Variants in ZNF469 observed in about 807,000 individuals in gnomAD.
ZNF469 encodes zinc finger protein 469.
ZNF469 carries 1 observed loss-of-function variant against 1.0 expected under a neutral mutation model. That is an observed-to-expected ratio of 1.00 (90% CI 0.35 to 4.73). ZNF469 has a LOEUF of 4.73. Ranked by LOEUF, ZNF469 falls within the 30% of genes most tolerant of loss-of-function variation. ZNF469 has a pLI of 0.16. For synonymous variants in ZNF469, 2,703 were observed against 2,363.4 expected, an observed-to-expected ratio of 1.14 and a Z score of -4.17; for missense variants, 6,100 against 5,356.3, an observed-to-expected ratio of 1.14 and a Z score of -4.33.
At chr16:88,425,009 G>C (rs1420292845) in intron 2 of ZNF469, among the ~76,000 whole-genome samples, 138 bp downstream of exon 2, 2 of 151,044 alleles carry the variant, frequency 1.3e-5, no homozygotes, top group East Asian at 4.0e-4. Context: ...ACTGCCTCCC[G>C]AGAGCCGACT....
the ZNF469 span, among the ~76,000 whole-genome samples, chr16:88,274,898 C>A: frequency 3.9e-5 from 6 of 152,334 alleles, no homozygotes; most frequent in African/African-American, 1.2e-4. Flanking sequence ...GCAGCACTGG[C>A]CCCCAGGCAA....
Position 88,435,991 on chromosome 16 carries a change from G to A in ZNF469, c.8521G>A (p.Ala2841Thr). 6.5e-7 allele frequency: 1 copy of A among 1,550,090 alleles called. No individual in the cohort carries two copies. Among genetic ancestry groups the A allele is most frequent in the South Asian group, 1.2e-5 (1 of 84,070 alleles). ...GGGGCCTGAAGGCCCCACTCCTGAT[G>A]CCTCTGGCTCCAGTGCCAAGGATCC... ...VQGPEGPTPDASGSSAKDPPS... is the reference protein window; with the variant it reads ...VQGPEGPTPDTSGSSAKDPPS... Residue 2841 changes from alanine (A) to threonine (T), a missense_variant, in exon 3 of 3, where the codon GCC becomes ACC. Transcript: ENST00000565624.
chr16:88,273,133 ATGAG>A, the ZNF469 span, among the ~76,000 whole-genome samples: 1 of 152,070 alleles, frequency 6.6e-6, no homozygotes, highest in African/African-American at 2.4e-5. Flanking sequence ...ACATGGCTGG[ATGAG>A]TGAGTGGGTG....
chr16:88,101,251 C>T, the ZNF469 span, among the ~76,000 whole-genome samples: 2 of 152,252 alleles, frequency 1.3e-5, no homozygotes, highest in Admixed American at 1.3e-4. Context: ...CCGGGAACAT[C>T]TTTCAGGCAA....
chr16:88,214,350 A>G, the ZNF469 span, among the ~76,000 whole-genome samples: 1 of 151,874 alleles, frequency 6.6e-6, no homozygotes, highest in Non-Finnish European at 1.5e-5. Flanking sequence ...TTCTGCTTAG[A>G]TTTTCCAGAA....
chr16:88,357,296 T>C, the ZNF469 span, among the ~76,000 whole-genome samples: 117 of 152,314 alleles, frequency 7.7e-4, no homozygotes, highest in African/African-American at 2.4e-3. Flanking sequence ...TCTGCAGAGG[T>C]GGTGGGGACC....
At chr16:88,203,550 C>A in the ZNF469 span, among the ~76,000 whole-genome samples, 1 of 152,148 alleles carries the variant, frequency 6.6e-6, no homozygotes, top group Non-Finnish European at 1.5e-5. Context: ...CCGTGGAATT[C>A]ACTCCCTCTC....
the ZNF469 span, among the ~76,000 whole-genome samples, chr16:88,358,022 G>C: frequency 4.6e-5 from 7 of 152,220 alleles, no homozygotes; most frequent in African/African-American, 1.7e-4. Context: ...GAGAGGGAGT[G>C]AGTGGTCACA....
At position 88,435,303 on chromosome 16, in the gene ZNF469, A is replaced by G. The variant is rs559434849; in HGVS notation, c.7833A>G (p.Glu2611=). Residue 2611 remains glutamate, a synonymous_variant, in exon 3 of 3, where the codon GAA becomes GAG. Coordinates refer to ENST00000565624, the MANE Select transcript of ZNF469 (RefSeq NM_001367624.2). ...ATCCCAAACAGGCAGAAAAAAGAGAAGGCCGGAGGTGGCGCCGAGAGCCCA... is the reference window on the plus strand; with the variant it reads ...ATCCCAAACAGGCAGAAAAAAGAGAGGGCCGGAGGTGGCGCCGAGAGCCCA... The part of the protein sequence containing the change: ...ELHPKQAEKR[E]GRRWRREPTV... 1 of 1,550,358 alleles carries G rather than the reference A, an allele frequency of 6.5e-7. No individual in the cohort carries two copies. The highest frequency in any genetic ancestry group is 8.7e-7 in the Non-Finnish European group (1 of 1,146,972).
At chr16:88,138,295 T>TA in the ZNF469 span, among the ~76,000 whole-genome samples, 1 of 152,218 alleles carries the variant, frequency 6.6e-6, no homozygotes, top group Non-Finnish European at 1.5e-5. Flanking sequence ...CATGTCCTAG[T>TA]GCTGGGATCG....
the ZNF469 span, among the ~76,000 whole-genome samples, chr16:88,170,503 T>G: frequency 5.3e-5 from 8 of 152,342 alleles, no homozygotes; most frequent in African/African-American, 1.7e-4. This position sits in a 1 kb window ranked among gnomAD's most constrained non-coding sequence, Gnocchi z 4.2. Flanking sequence ...TTCAACTTTT[T>G]TAGATGCCAC....
At chr16:88,117,844 C>T in the ZNF469 span, among the ~76,000 whole-genome samples, 114 of 152,342 alleles carry the variant, frequency 7.5e-4, no homozygotes, top group African/African-American at 2.7e-3. Flanking sequence ...GGGAGGCCGC[C>T]GTGTCGTCAG....
the ZNF469 span, among the ~76,000 whole-genome samples, chr16:88,267,558 G>A: frequency 6.6e-6 from 1 of 152,222 alleles, no homozygotes; most frequent in Non-Finnish European, 1.5e-5. Context: ...TTTCCCGGCT[G>A]AGCTGAGTCC....
the ZNF469 span, among the ~76,000 whole-genome samples, chr16:88,326,471 G>T: frequency 1.3e-5 from 2 of 152,122 alleles, no homozygotes; most frequent in Non-Finnish European, 2.9e-5. Flanking sequence ...AATACACTTC[G>T]AGACACTCTC....
the ZNF469 span, among the ~76,000 whole-genome samples, chr16:88,286,262 C>T: frequency 2.6e-5 from 4 of 152,266 alleles, no homozygotes; most frequent in African/African-American, 4.8e-5. Flanking sequence ...GATTCAGGCT[C>T]CTGGGCCTCA....
In ZNF469 at chr16:88,435,006, T is replaced by C; in HGVS notation, c.7536T>C (p.Ala2512=). ...AGCCGAGCCCAGCGGCCTTGCCTGC[T>C]CAGCAGCCTCTAGAGCCCCTAGCCC... is the stretch of plus-strand genomic sequence containing the variant. ...PAEPSPAALP[A]QQPLEPLAQK... The change falls in exon 3 of 3, where the codon GCT becomes GCC. Residue 2512 remains alanine, a synonymous_variant. Transcript: ENST00000565624. The C allele has an allele frequency of 1.3e-6, 2 of 1,550,264 alleles. No individual in the cohort carries two copies. The highest frequency in any genetic ancestry group is 1.7e-6 in the Non-Finnish European group (2 of 1,146,976).
chr16:88,347,708 C>G, the ZNF469 span, among the ~76,000 whole-genome samples: 1 of 152,230 alleles, frequency 6.6e-6, no homozygotes, highest in African/African-American at 2.4e-5. Flanking sequence ...GAACCTGCAC[C>G]TCACCCCTGC....
the ZNF469 span, among the ~76,000 whole-genome samples, chr16:88,131,678 T>G: frequency 3.9e-5 from 6 of 152,196 alleles, no homozygotes; most frequent in African/African-American, 1.4e-4. Flanking sequence ...CACGTGCCAG[T>G]GCAGGGAGGG....
At position 88,437,042 on chromosome 16, in the gene ZNF469, A is replaced by G. The variant is rs764291525; in HGVS notation, c.9572A>G (p.Asn3191Ser). The change falls in exon 3 of 3, where the codon AAC (asparagine) becomes AGC (serine). Residue 3191 changes from asparagine to serine, a missense_variant. Coordinates refer to ENST00000565624, the MANE Select transcript of ZNF469 (RefSeq NM_001367624.2). ...LKEVADVWMY[N>S]EHLREHAVRF... ...GAGGTGGCCGACGTCTGGATGTACA[A>G]CGAGCACCTGCGTGAGCACGCGGTC... 1 of 1,534,524 alleles carries G rather than the reference A, an allele frequency of 6.5e-7. No homozygotes were observed. The highest frequency in any genetic ancestry group is 1.2e-5 in the South Asian group (1 of 83,700).
Sources: allele counts gnomAD v4.1 joint callset (sites outside exome capture counted in the v4.1 genomes callset), GRCh38; gene constraint gnomAD v4.1.1; non-coding constraint Gnocchi (gnomAD v3.1); transcripts MANE v1.5; gene names NCBI Gene and HGNC (gene_info 2026-07-23, HGNC 2026-07-21).